FAM110B: variants seen among roughly 807,000 people sequenced by gnomAD.
FAM110B encodes the protein family with sequence similarity 110 member B.
A neutral mutation model predicts 20.4 loss-of-function variants in FAM110B; 6 were observed. The ratio of observed to expected loss-of-function variants is 0.29; its 90% confidence interval spans 0.16 to 0.58. The LOEUF is 0.58. Among genes scored for constraint, FAM110B ranks in the 20% least tolerant of loss-of-function variants. The pLI, the probability that FAM110B is intolerant of heterozygous loss-of-function variation, is 0.90. For synonymous variants in FAM110B, 226 were observed against 214.1 expected (o/e 1.06, Z -0.49); for missense variants, 434 against 498.2 (o/e 0.87, Z 1.23).
At chr8:58,010,405 T>C (rs997903681) in intron 1 of FAM110B, among the ~76,000 whole-genome samples, 1 of 152,088 alleles carries the variant, frequency 6.6e-6, no homozygotes, top group African/African-American at 2.4e-5. Context: ...ATTTCAGGAA[T>C]GTGAGGGAAC....
At chr8:58,079,299 C>G (rs963544427) in intron 3 of FAM110B, among the ~76,000 whole-genome samples, 1 of 152,144 alleles carries the variant, frequency 6.6e-6, no homozygotes, top group African/African-American at 2.4e-5. Flanking sequence ...AGGGCATTCT[C>G]TGGGAAAAGA....
chr8:58,123,118 C>T (rs888002075), intron 3 of FAM110B, among the ~76,000 whole-genome samples: 4 of 152,134 alleles, frequency 2.6e-5, no homozygotes, highest in Non-Finnish European at 5.9e-5. Flanking sequence ...TACCCTAGTC[C>T]TCCTGCTATC....
intron 3 of FAM110B, among the ~76,000 whole-genome samples, chr8:58,086,489 A>G (rs1159377803): frequency 6.6e-6 from 1 of 152,130 alleles, no homozygotes; most frequent in African/African-American, 2.4e-5. Flanking sequence ...AGACCCTTTC[A>G]TTCAGTCAGT....
At chr8:58,022,707 C>T (rs1182417188) in intron 1 of FAM110B, among the ~76,000 whole-genome samples, 3 of 152,170 alleles carry the variant, frequency 2.0e-5, no homozygotes, top group African/African-American at 7.2e-5. Flanking sequence ...CATTGTTCTA[C>T]ACTTGCTTAT....
At chr8:58,112,909 A>G (rs1418103328) in intron 3 of FAM110B, among the ~76,000 whole-genome samples, 3 of 152,192 alleles carry the variant, frequency 2.0e-5, no homozygotes, top group African/African-American at 2.4e-5. Flanking sequence ...AACTACAGAC[A>G]TTTATTTCCC....
chr8:58,142,841 G>A (rs1273350993), intron 3 of FAM110B, among the ~76,000 whole-genome samples: 3 of 152,278 alleles, frequency 2.0e-5, no homozygotes, highest in African/African-American at 2.4e-5. Context: ...GAAACCCTAC[G>A]GGGCCAAGAT....
intron 1 of FAM110B, among the ~76,000 whole-genome samples, chr8:57,995,108 G>A (rs868063975): frequency 4.6e-5 from 7 of 152,240 alleles, no homozygotes; most frequent in South Asian, 2.1e-4. Flanking sequence ...GGCTCGGCTA[G>A]GAGGCTGGGC....
At chr8:58,092,648 A>G (rs1010854756) in intron 3 of FAM110B, among the ~76,000 whole-genome samples, 1 of 152,118 alleles carries the variant, frequency 6.6e-6, no homozygotes, top group Non-Finnish European at 1.5e-5. Flanking sequence ...TCTATCATTG[A>G]TGGGTATTTG....
At chr8:58,004,291 A>G (rs141364858) in intron 1 of FAM110B, among the ~76,000 whole-genome samples, 1 of 152,134 alleles carries the variant, frequency 6.6e-6, no homozygotes, top group African/African-American at 2.4e-5. Context: ...TCTTCTTCCA[A>G]TATAAGGCCA....
In FAM110B at chr8:58,117,021, A is replaced by G. The variant is rs563682671; in HGVS notation, c.-324-28886A>G. On this transcript the variant is annotated intron_variant, in intron 3 of 3. Coordinates refer to ENST00000519262, the MANE Select transcript of FAM110B (RefSeq NM_001377989.1). ...AGAAAGCAAGTGAGAAGGTGAGTGC[A>G]TATCTCAGGATCTGACAGGATGGCT... Among the ~76,000 whole-genome samples, 85 of 152,320 alleles carry G rather than the reference A, an allele frequency of 5.6e-4. 1 individual carries two copies. Among genetic ancestry groups the G allele is most frequent in the African/African-American group, 1.9e-3 (80 of 41,574 alleles).
chr8:58,097,659 G>A (rs1806668182), intron 3 of FAM110B, among the ~76,000 whole-genome samples: 1 of 152,130 alleles, frequency 6.6e-6, no homozygotes, highest in Non-Finnish European at 1.5e-5. Flanking sequence ...TTTTTCAGCT[G>A]GTTTCTCTCC....
At chr8:58,081,237 G>A (rs1430840147) in intron 3 of FAM110B, among the ~76,000 whole-genome samples, 3 of 152,070 alleles carry the variant, frequency 2.0e-5, no homozygotes, top group Non-Finnish European at 4.4e-5. Flanking sequence ...GACACAGTCT[G>A]GCTCTGTTGC....
chr8:58,081,365 C>T (rs1245057994), intron 3 of FAM110B, among the ~76,000 whole-genome samples: 1 of 152,146 alleles, frequency 6.6e-6, no homozygotes, highest in Non-Finnish European at 1.5e-5. Flanking sequence ...TGCTACCATG[C>T]CTGGCTAATT....
chr8:58,129,760 C>T (rs1398183284), intron 3 of FAM110B, among the ~76,000 whole-genome samples: 1 of 152,202 alleles, frequency 6.6e-6, no homozygotes, highest in Admixed American at 6.5e-5. Flanking sequence ...CTCCAGTGCC[C>T]ACGGCTGATG....
intron 3 of FAM110B, among the ~76,000 whole-genome samples, chr8:58,085,948 G>A (rs565023554): frequency 7.5e-4 from 114 of 152,336 alleles, no homozygotes; most frequent in Admixed American, 1.6e-3. Flanking sequence ...AAATTAATTT[G>A]TAACTTTCCA....
At chr8:58,097,231 T>G (rs772510431) in intron 3 of FAM110B, among the ~76,000 whole-genome samples, 1 of 152,154 alleles carries the variant, frequency 6.6e-6, no homozygotes. Context: ...GTTGGAGGCT[T>G]TGTTCGTTCC....
chr8:58,142,316 G>A (rs1205885805), intron 3 of FAM110B, among the ~76,000 whole-genome samples: 1 of 152,198 alleles, frequency 6.6e-6, no homozygotes, highest in Non-Finnish European at 1.5e-5. Flanking sequence ...GGGATCTGGT[G>A]AGAAATGCGT....
chr8:58,127,728 C>T (rs1016093993), intron 3 of FAM110B, among the ~76,000 whole-genome samples: 3 of 152,012 alleles, frequency 2.0e-5, no homozygotes, highest in Non-Finnish European at 4.4e-5. Context: ...AAATGTAATA[C>T]TTAAAAATAA....
At chr8:58,074,376 C>T (rs762334617) in intron 2 of FAM110B, among the ~76,000 whole-genome samples, 34 of 152,252 alleles carry the variant, frequency 2.2e-4, no homozygotes, top group Middle Eastern at 3.4e-3. Flanking sequence ...CACAGCCACA[C>T]CAACCTCCTG....
Sources: gnomAD v4.1 joint callset for allele counts (sites outside exome capture counted in the v4.1 genomes callset) on GRCh38, gnomAD v4.1.1 for gene constraint, MANE v1.5 for transcripts, NCBI Gene and HGNC (gene_info 2026-07-23, HGNC 2026-07-21) for gene names.